FAAH2: variants seen among roughly 807,000 people sequenced by gnomAD.
The protein encoded by FAAH2 is fatty-acid amide hydrolase 2.
FAAH2 carries 60 observed loss-of-function variants against 36.9 expected under a neutral mutation model. The ratio of observed to expected loss-of-function variants is 1.63; its 90% CI spans 1.32 to 2.02. The LOEUF (loss-of-function observed/expected upper bound fraction) is 2.02. Ranked by LOEUF, FAAH2 falls within the 30% of genes most tolerant of loss-of-function variation. The pLI is 0.00. For missense variants in FAAH2, 689 were observed against 397.5 expected, an observed-to-expected ratio of 1.73 and a Z score of -6.23; for synonymous variants, 214 against 143.8, an observed-to-expected ratio of 1.49 and a Z score of -3.49.
intron 10 of FAAH2, among the ~76,000 whole-genome samples, chrX:57,487,728 T>A (rs951239597): frequency 7.1e-5 from 8 of 112,218 alleles, no homozygotes; most frequent in African/African-American, 2.6e-4. Flanking sequence ...CTTAAAATGT[T>A]AAATGTAAAT....
chrX:57,410,988 C>T (rs961008273), intron 7 of FAAH2, among the ~76,000 whole-genome samples: 1 of 111,621 alleles, frequency 9.0e-6, no homozygotes, highest in African/African-American at 3.3e-5. Flanking sequence ...TTTCATATTT[C>T]CTTGATCCTT....
chrX:57,156,081 T>C, the FAAH2 span, among the ~76,000 whole-genome samples: 1 of 112,013 alleles, frequency 8.9e-6, no homozygotes, highest in Admixed American at 9.4e-5. Flanking sequence ...TTTCATTCTT[T>C]TTCATCCTCT....
At chrX:57,468,740 A>G (rs1405158307) in intron 10 of FAAH2, among the ~76,000 whole-genome samples, 1 of 111,393 alleles carries the variant, frequency 9.0e-6, no homozygotes, top group Non-Finnish European at 1.9e-5. Context: ...TCCAGGAAAT[A>G]CAGAGAATGC....
At chrX:57,397,951 G>A (rs1178757489) in intron 7 of FAAH2, among the ~76,000 whole-genome samples, 1 of 108,825 alleles carries the variant, frequency 9.2e-6, no homozygotes, top group African/African-American at 3.4e-5. Flanking sequence ...AGAACATGCG[G>A]TGTTTGGTTT....
At chrX:57,381,945 C>A (rs748562711) in intron 7 of FAAH2, among the ~76,000 whole-genome samples, 1 of 111,128 alleles carries the variant, frequency 9.0e-6, no homozygotes, top group Non-Finnish European at 1.9e-5. Flanking sequence ...CCTCAGCAAA[C>A]GTAAAAGAAC....
chrX:57,380,516 G>A (rs1385693084), intron 6 of FAAH2, among the ~76,000 whole-genome samples: 1 of 111,895 alleles, frequency 8.9e-6, no homozygotes. Context: ...AGTTGCTAAA[G>A]CCTCATTTCC....
chrX:57,383,667 TA>T (rs1316072964), intron 7 of FAAH2, among the ~76,000 whole-genome samples: 1 of 111,292 alleles, frequency 9.0e-6, no homozygotes, highest in African/African-American at 3.3e-5. Context: ...CTCAATGAAA[TA>T]AAAGAGGATA....
chrX:57,436,997 A>T (rs745511033), intron 8 of FAAH2, among the ~76,000 whole-genome samples: 5 of 110,989 alleles, frequency 4.5e-5, no homozygotes, highest in Admixed American at 9.7e-5. Context: ...ATACTAGAAA[A>T]CCAAATTCAA....
chrX:57,459,342 A>G (rs1028743906), intron 10 of FAAH2, among the ~76,000 whole-genome samples: 1 of 112,293 alleles, frequency 8.9e-6, no homozygotes. Context: ...GGGCTTATAG[A>G]TAAATCTTTC....
At chrX:57,254,008 A>T in the FAAH2 span, among the ~76,000 whole-genome samples, 2 of 111,313 alleles carry the variant, frequency 1.8e-5, no homozygotes, top group Non-Finnish European at 1.9e-5. Flanking sequence ...ATAAAGAGTG[A>T]AGACCCATTG....
chrX:57,232,922 C>G, the FAAH2 span, among the ~76,000 whole-genome samples: 1 of 112,413 alleles, frequency 8.9e-6, no homozygotes, highest in African/African-American at 3.2e-5. Context: ...GAAGGAACTA[C>G]TTAACTGCTC....
chrX:57,152,762 GCTGCACCCACTGTC>G, the FAAH2 span, among the ~76,000 whole-genome samples: 1 of 111,435 alleles, frequency 9.0e-6, no homozygotes, highest in Non-Finnish European at 1.9e-5. Context: ...TGCCCGGTGT[GCTGCACCCACTGTC>G]CTGCACCCAC....
the FAAH2 span, among the ~76,000 whole-genome samples, chrX:57,230,764 C>A: frequency 9.0e-6 from 1 of 111,238 alleles, no homozygotes; most frequent in East Asian, 2.8e-4. Flanking sequence ...CTGAATAATT[C>A]AAATTCTCTG....
At chrX:57,274,424 A>G in the FAAH2 span, among the ~76,000 whole-genome samples, 1 of 112,266 alleles carries the variant, frequency 8.9e-6, no homozygotes, top group Non-Finnish European at 1.9e-5. Flanking sequence ...AATCATTCTG[A>G]TATCAAAACC....
intron 7 of FAAH2, among the ~76,000 whole-genome samples, chrX:57,403,733 C>T (rs1395950569): frequency 8.9e-6 from 1 of 112,059 alleles, no homozygotes; most frequent in Non-Finnish European, 1.9e-5. Flanking sequence ...ATTGAATACC[C>T]ATTGTGTTTT....
At chrX:57,484,372 G>C (rs978816201) in intron 10 of FAAH2, among the ~76,000 whole-genome samples, 12 of 111,166 alleles carry the variant, frequency 1.1e-4, no homozygotes, top group Non-Finnish European at 2.1e-4. Flanking sequence ...GTGGCTGGGG[G>C]AACTCCTGGT....
At chrX:57,288,451 G>C (rs1272220672) in intron 1 of FAAH2, among the ~76,000 whole-genome samples, 1 of 96,773 alleles carries the variant, frequency 1.0e-5, no homozygotes, top group African/African-American at 4.0e-5. Context: ...CCGGGTTGAC[G>C]CCATTCTCCT....
At chrX:57,311,823 C>T (rs749173604) in intron 3 of FAAH2, among the ~76,000 whole-genome samples, 1 of 112,005 alleles carries the variant, frequency 8.9e-6, no homozygotes, top group South Asian at 3.7e-4. Flanking sequence ...ATATTGGATC[C>T]CCTAGCACAG....
the FAAH2 span, among the ~76,000 whole-genome samples, chrX:57,168,077 C>CT: frequency 9.0e-6 from 1 of 111,337 alleles, no homozygotes; most frequent in African/African-American, 3.3e-5. Flanking sequence ...TTAGTAATTT[C>CT]TTTTTTTAAT....
Sources: allele counts gnomAD v4.1 joint callset (sites outside exome capture counted in the v4.1 genomes callset), GRCh38; gene constraint gnomAD v4.1.1; transcripts MANE v1.5; gene names NCBI Gene and HGNC (gene_info 2026-07-23, HGNC 2026-07-21).